DCUN1D4: variants seen among roughly 807,000 people sequenced by gnomAD.
DCUN1D4 encodes defective in cullin neddylation 1 domain containing 4, also known as DCN1-like protein 4.
A neutral mutation model predicts 47.9 loss-of-function variants in DCUN1D4; 22 were observed. That is an observed-to-expected ratio of 0.46 (90% confidence interval 0.33 to 0.66). DCUN1D4 has a LOEUF of 0.66. DCUN1D4 is among the 30% of genes least tolerant of loss of function. The pLI, the probability that DCUN1D4 is intolerant of heterozygous loss-of-function variation, is 0.02. For synonymous variants in DCUN1D4, 121 were observed against 112.2 expected, an observed-to-expected ratio of 1.08 and a Z score of -0.50; for missense variants, 301 against 340.8, an observed-to-expected ratio of 0.88 and a Z score of 0.92.
chr4:51,868,716 C>T (rs991660626), intron 3 of DCUN1D4, among the ~76,000 whole-genome samples: 1 of 152,216 alleles, frequency 6.6e-6, no homozygotes, highest in African/African-American at 2.4e-5. Flanking sequence ...TCTGCCTCCT[C>T]TCAGGCCTTT....
intron 7 of DCUN1D4, among the ~76,000 whole-genome samples, chr4:51,895,366 C>T (rs1006709510): frequency 6.6e-6 from 1 of 151,766 alleles, no homozygotes; most frequent in Non-Finnish European, 1.5e-5. Context: ...CCTGGGCTCT[C>T]AGAGGAATTG....
At chr4:51,837,583 A>T in the DCUN1D4 span, among the ~76,000 whole-genome samples, 1 of 139,672 alleles carries the variant, frequency 7.2e-6, no homozygotes, top group African/African-American at 2.7e-5. Flanking sequence ...TGAACCCGGA[A>T]GGCGGAGCTT....
chr4:51,877,887 C>T (rs201909718), intron 5 of DCUN1D4, 33 bp downstream of exon 5: 123 of 1,399,764 alleles, frequency 8.8e-5, no homozygotes, highest in Non-Finnish European at 1.2e-4. Flanking sequence ...TAAGACTGAT[C>T]CTTATGACAA....
At chr4:51,901,922 T>C (rs892210690) in intron 8 of DCUN1D4, among the ~76,000 whole-genome samples, 40 of 152,352 alleles carry the variant, frequency 2.6e-4, no homozygotes, top group African/African-American at 9.6e-4. Flanking sequence ...AAGATAAATT[T>C]TTTAATGAAT....
At chr4:51,885,421 G>C (rs1475216873) in intron 5 of DCUN1D4, among the ~76,000 whole-genome samples, 1 of 152,222 alleles carries the variant, frequency 6.6e-6, no homozygotes, top group Non-Finnish European at 1.5e-5. Context: ...TTCTGGGTGT[G>C]CCACCAGCTG....
At position 51,916,221 on chromosome 4, in the gene DCUN1D4, G is replaced by A. The variant is rs1054731226; in HGVS notation, c.*2637G>A. The A allele has an allele frequency of 6.6e-6, 1 of 152,048 alleles. No homozygotes were observed. The highest frequency in any genetic ancestry group is 2.4e-5 in the African/African-American group (1 of 41,418). 9.4% of individuals were successfully genotyped at this position (152,048 alleles called of 1,614,324 possible). A position where few individuals can be genotyped will look rare whatever the true frequency, so the allele number is the denominator to read the frequency against. ...TTGTCATGGAATACAACCTTTAGAT[G>A]TTTACTGCTGAAGTAGGTCAGAAAT... On this transcript the variant is annotated 3_prime_UTR_variant, in exon 11 of 11. Coordinates refer to ENST00000334635, the MANE Select transcript of DCUN1D4 (RefSeq NM_001040402.3).
In DCUN1D4 at chr4:51,871,789, TG is replaced by T. The variant is rs568527489; in HGVS notation, c.137-2481del. 5.9e-5 allele frequency among the ~76,000 whole-genome samples: 9 copies of T among 152,346 alleles called. No individual in the cohort carries two copies. In the East Asian group the frequency reaches 1.5e-3, roughly 26 times the overall value. ...ATAGATATGAATAAATCTTTGTTTT[TG>T]TATGTTGGCAGTCTGCAGAAGCTTG... On this transcript the variant is annotated intron_variant, in intron 3 of 10. Transcript: ENST00000334635.
chr4:51,845,272 A>C (rs1439070762), intron 1 of DCUN1D4: 1 of 985,226 alleles, frequency 1.0e-6, no homozygotes, highest in Admixed American at 6.1e-5. Context: ...ACGATAATAT[A>C]AACTATGTGT....
At chr4:51,912,330 C>G (rs1022498578) in intron 9 of DCUN1D4, among the ~76,000 whole-genome samples, 5 of 152,182 alleles carry the variant, frequency 3.3e-5, no homozygotes, top group Non-Finnish European at 7.4e-5. Context: ...CCAGGTGCAT[C>G]ATCAACTGTT....
chr4:51,872,168 G>T (rs529485155), intron 3 of DCUN1D4, among the ~76,000 whole-genome samples: 1 of 152,222 alleles, frequency 6.6e-6, no homozygotes, highest in Non-Finnish European at 1.5e-5. Context: ...ATCTGGGCCA[G>T]AGTCCCAATT....
intron 3 of DCUN1D4, among the ~76,000 whole-genome samples, chr4:51,864,624 C>T (rs1725611268): frequency 6.6e-6 from 1 of 152,176 alleles, no homozygotes; most frequent in Non-Finnish European, 1.5e-5. Flanking sequence ...GTGCCTCTTG[C>T]TCACTGCATC....
chr4:51,912,123 G>A (rs1345329606), intron 9 of DCUN1D4, among the ~76,000 whole-genome samples: 1 of 152,136 alleles, frequency 6.6e-6, no homozygotes, highest in Non-Finnish European at 1.5e-5. Flanking sequence ...GTAAGTATCT[G>A]TTTACCCAAA....
chr4:51,886,220 T>C (rs187914321), intron 5 of DCUN1D4, among the ~76,000 whole-genome samples: 1 of 152,248 alleles, frequency 6.6e-6, no homozygotes, highest in South Asian at 2.1e-4. Flanking sequence ...TTCTTTGCTA[T>C]GTTTCCAAAA....
At chr4:51,862,338 C>T (rs1353240889) in intron 1 of DCUN1D4, among the ~76,000 whole-genome samples, 4 of 152,242 alleles carry the variant, frequency 2.6e-5, no homozygotes, top group East Asian at 1.9e-4. Context: ...GAAAGTAAAG[C>T]TTTCTAACTG....
At chr4:51,882,223 A>C (rs1728763881) in intron 5 of DCUN1D4, among the ~76,000 whole-genome samples, 1 of 152,164 alleles carries the variant, frequency 6.6e-6, no homozygotes, top group Non-Finnish European at 1.5e-5. Context: ...TTACATAACC[A>C]CTGCAAAGGA....
At chr4:51,844,503 C>CG (rs1415909406) in intron 1 of DCUN1D4, 40 of 710,076 alleles carry the variant, frequency 5.6e-5, no homozygotes, top group Non-Finnish European at 6.7e-5. Context: ...CCCTGATGGC[C>CG]GGGTCGGGGG....
At position 51,915,804 on chromosome 4, in the gene DCUN1D4, G is replaced by GA. The variant is rs1341976674; in HGVS notation, c.*2226dup. On this transcript the variant is annotated 3_prime_UTR_variant, in exon 11 of 11. Transcript: ENST00000334635. Reference sequence around the variant, plus strand: ...CCACAATCAACATTTTGATGGTAGGGAAAAAACTGCGTAAAAACTATTGCA... The same window carrying GA: ...CCACAATCAACATTTTGATGGTAGGGAAAAAAACTGCGTAAAAACTATTGCA... 1.3e-5 allele frequency: 2 copies of GA among 152,476 alleles called. No homozygotes were observed. Among genetic ancestry groups the GA allele is most frequent in the Non-Finnish European group, 2.9e-5 (2 of 67,970 alleles). The allele number at this position is 152,476 out of a possible 1,614,324, so 9.4% of individuals were successfully genotyped here.
chr4:51,894,896 T>G (rs1174214353), intron 7 of DCUN1D4, among the ~76,000 whole-genome samples: 1 of 152,052 alleles, frequency 6.6e-6, no homozygotes, highest in Non-Finnish European at 1.5e-5. Context: ...TTCCAGAGAA[T>G]TTTATTTCTC....
intron 3 of DCUN1D4, among the ~76,000 whole-genome samples, chr4:51,871,115 G>A (rs1393925243): frequency 2.1e-5 from 3 of 140,808 alleles, no homozygotes; most frequent in African/African-American, 8.7e-5. Context: ...TTACACTGAT[G>A]ATTAGAGTGG....
Sources: allele counts gnomAD v4.1 joint callset (sites outside exome capture counted in the v4.1 genomes callset), GRCh38; gene constraint gnomAD v4.1.1; transcripts MANE v1.5; gene names NCBI Gene and HGNC (gene_info 2026-07-23, HGNC 2026-07-21).